The following TBXAS1 variants were observed in gnomAD, a reference collection of about 807,000 sequenced individuals.
TBXAS1 encodes the protein thromboxane A synthase 1.
A neutral mutation model predicts 60.7 loss-of-function variants in TBXAS1; 48 were observed. The observed-to-expected ratio is 0.79, with a 90% CI of 0.63 to 1.01. TBXAS1 has a LOEUF of 1.01. Among genes scored for constraint, TBXAS1 ranks in the 50% least tolerant of loss-of-function variants. TBXAS1 has a pLI of 0.00. For synonymous variants in TBXAS1, 287 were observed against 269.7 expected (o/e 1.06, Z -0.63); for missense variants, 685 against 686.3 (o/e 1.00, Z 0.02).
Position 139,973,853 on chromosome 7 carries a change from G to A in TBXAS1, c.1134+11620G>A, listed in dbSNP as rs559366964. Among the ~76,000 whole-genome samples, 5 of 151,808 alleles carry A rather than the reference G, an allele frequency of 3.3e-5. 1 individual carries two copies. The highest frequency in any genetic ancestry group is 9.7e-5 in the African/African-American group (4 of 41,366). The stretch of plus-strand genomic sequence containing the variant: ...GTTGTTTTTCAAAGCCTCATTCCTC[G>A]AATGTTCCCTATAGGAGGAATGTAA... On this transcript the variant is annotated intron_variant, in intron 9 of 12. Coordinates refer to ENST00000448866, the MANE Select transcript of TBXAS1 (RefSeq NM_001061.7).
chr7:139,942,244 T>TATTACAAACTATATTCTTC (rs1455366142), intron 5 of TBXAS1, among the ~76,000 whole-genome samples: 28 of 152,304 alleles, frequency 1.8e-4, no homozygotes, highest in Admixed American at 1.6e-3. Flanking sequence ...TTTGGTGAAA[T>TATTACAAACTATATTCTTC]ATTACAAACT....
upstream of TBXAS1, chr7:139,829,163 G>A (rs1448301987): frequency 1.5e-6 from 1 of 662,338 alleles, no homozygotes; most frequent in Admixed American, 2.1e-5. Context: ...AAGGAATAAA[G>A]TTGCTGATTC....
intron 4 of TBXAS1, among the ~76,000 whole-genome samples, chr7:139,922,086 A>G (rs539323665): frequency 2.0e-5 from 3 of 148,538 alleles, no homozygotes; most frequent in Admixed American, 2.0e-4. Context: ...GTCATTGAGA[A>G]CTTTTTCTTT....
intron 4 of TBXAS1, among the ~76,000 whole-genome samples, chr7:139,919,026 AT>A (rs1330453575): frequency 6.6e-6 from 1 of 152,092 alleles, no homozygotes; most frequent in Non-Finnish European, 1.5e-5. Context: ...CACCTTTACT[AT>A]TTCAAACCAC....
At chr7:140,014,914 A>AAAAAAAAAAAT (rs1814902598) in intron 10 of TBXAS1, among the ~76,000 whole-genome samples, 1 of 151,734 alleles carries the variant, frequency 6.6e-6, no homozygotes, top group Non-Finnish European at 1.5e-5. Context: ...GTCTCAAAAA[A>AAAAAAAAAAAT]AAAGAAGAAG....
chr7:139,784,755 T>C (rs1303741356), intron 3 of TBXAS1, among the ~76,000 whole-genome samples: 1 of 152,216 alleles, frequency 6.6e-6, no homozygotes, highest in Non-Finnish European at 1.5e-5. Flanking sequence ...TTTGAACATG[T>C]TGAGTCTAAA....
chr7:140,002,851 C>T (rs1226788190), intron 9 of TBXAS1, among the ~76,000 whole-genome samples: 3 of 152,132 alleles, frequency 2.0e-5, no homozygotes, highest in African/African-American at 4.8e-5. Context: ...TGGCTGGGCG[C>T]GGTGGCTCAC....
intron 3 of TBXAS1, among the ~76,000 whole-genome samples, chr7:139,905,423 G>T (rs1200156010): frequency 1.3e-5 from 2 of 152,088 alleles, no homozygotes; most frequent in East Asian, 3.9e-4. Flanking sequence ...CACATTTATT[G>T]ACTTGCGTAT....
At chr7:139,996,504 T>C (rs1813305146) in intron 9 of TBXAS1, among the ~76,000 whole-genome samples, 1 of 152,188 alleles carries the variant, frequency 6.6e-6, no homozygotes, top group South Asian at 2.1e-4. Flanking sequence ...GGTGGGGTGG[T>C]GGAGGGGGCC....
At chr7:139,935,903 C>T (rs8192832) in intron 4 of TBXAS1, among the ~76,000 whole-genome samples, 2 of 152,214 alleles carry the variant, frequency 1.3e-5, no homozygotes, top group East Asian at 3.8e-4. Flanking sequence ...AGGGGGACTG[C>T]AGAACACACA....
At chr7:139,858,467 C>G (rs1199360238) in intron 1 of TBXAS1, among the ~76,000 whole-genome samples, 2 of 152,164 alleles carry the variant, frequency 1.3e-5, no homozygotes, top group Non-Finnish European at 2.9e-5. Flanking sequence ...CTGGGACTGA[C>G]AGGTGACAGG....
In TBXAS1 at chr7:139,999,122, C is replaced by T. The variant is rs1240435067; in HGVS notation, c.1135-7969C>T. ...ACCAAACCTCCATCGTATCTCCCTG[C>T]AAGCCTTGAAACTGCTCACTGGACC... On this transcript the variant is annotated intron_variant, in intron 9 of 12. Coordinates refer to ENST00000448866, the MANE Select transcript of TBXAS1 (RefSeq NM_001061.7). The surrounding 1 kb of genome is among the most constrained non-coding windows in gnomAD (Gnocchi z 4.3). 6.6e-6 allele frequency among the ~76,000 whole-genome samples: 1 copy of T among 152,200 alleles called. No homozygotes were observed. The highest frequency in any genetic ancestry group is 1.9e-4 in the East Asian group (1 of 5,188).
intron 8 of TBXAS1, among the ~76,000 whole-genome samples, chr7:139,959,666 G>A (rs1336050345): frequency 6.6e-6 from 1 of 152,168 alleles, no homozygotes; most frequent in African/African-American, 2.4e-5. Flanking sequence ...AAGGATGCTG[G>A]CTGCAGTTTT....
chr7:139,799,597 AC>A (rs1797665174), intron 4 of TBXAS1, among the ~76,000 whole-genome samples: 1 of 152,040 alleles, frequency 6.6e-6, no homozygotes, highest in South Asian at 2.1e-4. Context: ...CTCAAAAGAT[AC>A]ACCCCCCTTT....
chr7:139,994,507 G>A (rs1813152204), intron 9 of TBXAS1, among the ~76,000 whole-genome samples: 1 of 152,024 alleles, frequency 6.6e-6, no homozygotes, highest in Non-Finnish European at 1.5e-5. Flanking sequence ...TCATCCTTGG[G>A]CAAAGGAGGC....
chr7:139,938,861 T>C (rs1808029884), intron 5 of TBXAS1, among the ~76,000 whole-genome samples: 1 of 152,226 alleles, frequency 6.6e-6, no homozygotes, highest in Non-Finnish European at 1.5e-5. Context: ...TTAGCAGTCC[T>C]GGGCTATGAT....
chr7:139,841,382 A>G (rs1314873119), intron 1 of TBXAS1, among the ~76,000 whole-genome samples: 1 of 152,240 alleles, frequency 6.6e-6, no homozygotes, highest in Non-Finnish European at 1.5e-5. Flanking sequence ...GGAACAAAAC[A>G]TTAGGAGTGT....
chr7:139,953,531 C>A, intron 6 of TBXAS1, 75 bp downstream of exon 6: 1 of 1,414,684 alleles, frequency 7.1e-7, no homozygotes, highest in South Asian at 1.2e-5. Context: ...TAATTGCTGA[C>A]AATTACCTTG....
chr7:139,942,029 G>A (rs973613384), intron 5 of TBXAS1, among the ~76,000 whole-genome samples: 26 of 152,112 alleles, frequency 1.7e-4, no homozygotes, highest in African/African-American at 5.8e-4. Flanking sequence ...AAATCAATAG[G>A]AATAACTTTC....
Sources: gnomAD v4.1 joint callset for allele counts (sites outside exome capture counted in the v4.1 genomes callset) on GRCh38, gnomAD v4.1.1 for gene constraint, Gnocchi (gnomAD v3.1) non-coding constraint, MANE v1.5 for transcripts, NCBI Gene and HGNC (gene_info 2026-07-23, HGNC 2026-07-21) for gene names.